The following SLC35F3 variants were observed in gnomAD, a reference collection of about 807,000 sequenced individuals.
SLC35F3 encodes the protein solute carrier family 35 member F3, also known as putative thiamine transporter SLC35F3.
Under a neutral mutation model 49.9 loss-of-function variants are expected in SLC35F3, and 25 were observed. The observed-to-expected ratio is 0.50, with a 90% confidence interval of 0.37 to 0.70. The LOEUF (loss-of-function observed/expected upper bound fraction) is 0.70, where lower values mean the gene tolerates loss of function less well. Ranked by LOEUF, SLC35F3 falls within the 30% of genes least tolerant of loss-of-function variation. SLC35F3 has a pLI of 0.00. For missense variants in SLC35F3, 525 were observed against 639.8 expected (o/e 0.82, Z 1.94); for synonymous variants, 275 against 265.4 (o/e 1.04, Z -0.35).
chr1:234,289,756 A>G (rs1160215173), intron 3 of SLC35F3, among the ~76,000 whole-genome samples: 1 of 152,256 alleles, frequency 6.6e-6, no homozygotes, highest in Non-Finnish European at 1.5e-5. Context: ...AAACTGTCCC[A>G]TGGGAACATC....
At chr1:234,194,517 G>T (rs1387471105) in intron 2 of SLC35F3, among the ~76,000 whole-genome samples, 1 of 152,072 alleles carries the variant, frequency 6.6e-6, no homozygotes, top group Non-Finnish European at 1.5e-5. Flanking sequence ...GGTGATGCAT[G>T]CACCAAAATC....
chr1:234,114,342 G>A (rs189322120), intron 2 of SLC35F3, among the ~76,000 whole-genome samples: 1 of 152,282 alleles, frequency 6.6e-6, no homozygotes, highest in East Asian at 1.9e-4. Context: ...TGTTGTTATT[G>A]CTGTTTTTAA....
intron 5 of SLC35F3, among the ~76,000 whole-genome samples, chr1:234,317,066 A>T (rs1657506532): frequency 6.6e-6 from 1 of 152,170 alleles, no homozygotes; most frequent in Admixed American, 6.5e-5. Context: ...GTTTGCTCAG[A>T]TCATTTGCCA....
At chr1:234,242,034 T>C (rs1434462293) in intron 3 of SLC35F3, among the ~76,000 whole-genome samples, 2 of 152,236 alleles carry the variant, frequency 1.3e-5, no homozygotes, top group Non-Finnish European at 2.9e-5. Flanking sequence ...TCCCATATTA[T>C]TTTGTGATAT....
chr1:234,013,646 G>A (rs2102838900), intron 2 of SLC35F3, among the ~76,000 whole-genome samples: 1 of 152,002 alleles, frequency 6.6e-6, no homozygotes, highest in East Asian at 1.9e-4. Context: ...AACTCAGAGA[G>A]GAGACATTAC....
intron 2 of SLC35F3, among the ~76,000 whole-genome samples, chr1:233,972,968 G>T (rs1663019645): frequency 6.6e-6 from 1 of 152,190 alleles, no homozygotes; most frequent in African/African-American, 2.4e-5. Context: ...CTGTCATATT[G>T]GTCCCCACTG....
At chr1:233,944,249 A>C (rs777063582) in intron 2 of SLC35F3, among the ~76,000 whole-genome samples, 3 of 152,218 alleles carry the variant, frequency 2.0e-5, no homozygotes, top group Non-Finnish European at 4.4e-5. Flanking sequence ...CAAATCCAGG[A>C]GTTGTTTTTT....
At chr1:234,129,478 A>G (rs986256307) in intron 2 of SLC35F3, among the ~76,000 whole-genome samples, 20 of 152,238 alleles carry the variant, frequency 1.3e-4, no homozygotes, top group African/African-American at 4.8e-4. Context: ...CACCATGTTT[A>G]TGGTTTGGAA....
chr1:234,158,014 C>A (rs1666178346), intron 2 of SLC35F3, among the ~76,000 whole-genome samples: 2 of 152,148 alleles, frequency 1.3e-5, no homozygotes, highest in Non-Finnish European at 2.9e-5. Flanking sequence ...TGAGTCGATT[C>A]AGCCAGTCAT....
intron 2 of SLC35F3, among the ~76,000 whole-genome samples, chr1:234,060,754 A>G (rs1664528070): frequency 6.6e-6 from 1 of 151,494 alleles, no homozygotes; most frequent in South Asian, 2.1e-4. Context: ...GCCCCACCCT[A>G]CTCCTATTTA....
At position 234,324,365 on chromosome 1, in the gene SLC35F3, A is replaced by G. The variant is rs1477348255; in HGVS notation, c.*1122A>G. 5 of 152,240 alleles carry G rather than the reference A, an allele frequency of 3.3e-5. 1 individual carries two copies. The highest frequency in any genetic ancestry group is 1.3e-4 in the Admixed American group (2 of 15,286). The allele number at this position is 152,240 out of a possible 1,614,324, so 9.4% of individuals were successfully genotyped here. Reference sequence around the variant, plus strand: ...GGAAACATTATTTTGAAACGTTGTCATAACCCAATGGTGCATTCTGTAACC... The same window carrying G: ...GGAAACATTATTTTGAAACGTTGTCGTAACCCAATGGTGCATTCTGTAACC... On this transcript the variant is annotated 3_prime_UTR_variant, in exon 8 of 8. Coordinates refer to ENST00000366618, the MANE Select transcript of SLC35F3 (RefSeq NM_173508.4).
intron 2 of SLC35F3, among the ~76,000 whole-genome samples, chr1:233,936,197 C>A (rs1662323917): frequency 6.6e-6 from 1 of 151,976 alleles, no homozygotes; most frequent in Non-Finnish European, 1.5e-5. Context: ...GTAGCCATGG[C>A]CCCCCCAGGG....
At chr1:234,105,412 C>T (rs1665272098) in intron 2 of SLC35F3, among the ~76,000 whole-genome samples, 1 of 152,182 alleles carries the variant, frequency 6.6e-6, no homozygotes, top group Non-Finnish European at 1.5e-5. Context: ...AGTGGGACTT[C>T]AGAATCCCTA....
intron 2 of SLC35F3, among the ~76,000 whole-genome samples, chr1:233,913,466 A>G (rs1429064281): frequency 1.3e-5 from 2 of 152,220 alleles, no homozygotes; most frequent in African/African-American, 2.4e-5. Flanking sequence ...TAGTTTAAGA[A>G]TGTGGCTGAA....
chr1:234,059,123 A>C (rs1664499645), intron 2 of SLC35F3, among the ~76,000 whole-genome samples: 1 of 151,980 alleles, frequency 6.6e-6, no homozygotes, highest in Non-Finnish European at 1.5e-5. Flanking sequence ...TCAAGTGAAT[A>C]GCTTTTCGTT....
intron 2 of SLC35F3, among the ~76,000 whole-genome samples, chr1:234,023,160 A>T (rs1467173077): frequency 6.6e-6 from 1 of 152,164 alleles, no homozygotes; most frequent in South Asian, 2.1e-4. Context: ...GGAGGAAGAA[A>T]AAGGGAGAAG....
chr1:234,185,389 G>A (rs1242760781), intron 2 of SLC35F3, among the ~76,000 whole-genome samples: 1 of 152,260 alleles, frequency 6.6e-6, no homozygotes, highest in Non-Finnish European at 1.5e-5. Flanking sequence ...GGAGTAGAAA[G>A]AGGCAGCCCT....
Position 234,297,880 on chromosome 1 carries a change from G to C in SLC35F3, c.609-11221G>C, listed in dbSNP as rs1668629565. Among the ~76,000 whole-genome samples the C allele has an allele frequency of 2.0e-5, 3 of 152,146 alleles. No homozygotes were observed. The South Asian group carries it at 6.2e-4, about 31-fold the overall frequency. On this transcript the variant is annotated intron_variant, in intron 3 of 7. Transcript: ENST00000366618. ...AGTTATGCAAGATGAATAAGTCCTA[G>C]AGCTCTTCTGTACAGTAGAGTGCCT...
At chr1:234,310,260 T>G (rs1657312738) in intron 4 of SLC35F3, among the ~76,000 whole-genome samples, 2 of 152,130 alleles carry the variant, frequency 1.3e-5, no homozygotes, top group Admixed American at 1.3e-4. Flanking sequence ...TAAGAGCCGG[T>G]TTGAGGGGCA....
Sources: allele counts gnomAD v4.1 joint callset (sites outside exome capture counted in the v4.1 genomes callset), GRCh38; gene constraint gnomAD v4.1.1; transcripts MANE v1.5; gene names NCBI Gene and HGNC (gene_info 2026-07-23, HGNC 2026-07-21).